WNK2: variants seen among roughly 807,000 people sequenced by gnomAD.
WNK2 encodes the protein WNK lysine deficient protein kinase 2, also known as serine/threonine-protein kinase WNK2.
In WNK2, 67 loss-of-function variants were observed where a neutral mutation model predicts 192.1. The observed-to-expected ratio is 0.35, with a 90% CI of 0.29 to 0.43. The LOEUF is 0.43. Among genes scored for constraint, WNK2 ranks in the 20% least tolerant of loss-of-function variants. The pLI, the probability that WNK2 is intolerant of heterozygous loss-of-function variation, is 1.00. For synonymous variants in WNK2, 1,439 were observed against 1,393.9 expected (o/e 1.03, Z -0.72); for missense variants, 2,698 against 3,089.7 (o/e 0.87, Z 3.01).
intron 7 of WNK2, among the ~76,000 whole-genome samples, chr9:93,240,439 G>A (rs927572538): frequency 3.3e-5 from 5 of 152,148 alleles, no homozygotes; most frequent in East Asian, 1.9e-4. Context: ...CTAGAAAGGC[G>A]GGTTGGGGGT....
chr9:93,197,603 T>C (rs1231679990), intron 2 of WNK2, among the ~76,000 whole-genome samples: 2 of 152,134 alleles, frequency 1.3e-5, no homozygotes, highest in Non-Finnish European at 2.9e-5. Flanking sequence ...CTTGGCTCAC[T>C]GGAACCCTCT....
intron 16 of WNK2, among the ~76,000 whole-genome samples, chr9:93,264,835 C>A (rs920721730): frequency 6.6e-6 from 1 of 152,166 alleles, no homozygotes; most frequent in Admixed American, 6.5e-5. Flanking sequence ...TGGAGTAGGC[C>A]GGCATGAGTA....
intron 1 of WNK2, among the ~76,000 whole-genome samples, 168 bp downstream of exon 1, chr9:93,184,553 C>T (rs2130815451): frequency 6.6e-6 from 1 of 152,292 alleles, no homozygotes; most frequent in East Asian, 1.9e-4. Context: ...ATCCCCTTTA[C>T]AGCTGCCTCC....
At chr9:93,245,401 T>C (rs1443164055) in intron 7 of WNK2, among the ~76,000 whole-genome samples, 1 of 152,220 alleles carries the variant, frequency 6.6e-6, no homozygotes, top group Non-Finnish European at 1.5e-5. Context: ...CTGACTTCCA[T>C]GTCCTGTCCC....
At chr9:93,202,346 G>A (rs1227532002) in intron 2 of WNK2, among the ~76,000 whole-genome samples, 2 of 145,640 alleles carry the variant, frequency 1.4e-5, no homozygotes, top group African/African-American at 4.9e-5. Flanking sequence ...GTGTGTGTGT[G>A]TGTGTGTGTG....
At chr9:93,207,781 G>C (rs1052942536) in intron 2 of WNK2, among the ~76,000 whole-genome samples, 4 of 152,234 alleles carry the variant, frequency 2.6e-5, no homozygotes, top group African/African-American at 9.6e-5. Flanking sequence ...CCCTCTCCAG[G>C]CGCTGTTTTT....
intron 2 of WNK2, among the ~76,000 whole-genome samples, chr9:93,192,287 C>T (rs1325914118): frequency 1.5e-4 from 22 of 151,196 alleles, no homozygotes; most frequent in Admixed American, 1.2e-3. Flanking sequence ...CACTCCAGCC[C>T]GGCGACAGAG....
At chr9:93,215,487 C>T (rs1044627387) in intron 2 of WNK2, among the ~76,000 whole-genome samples, 13 of 152,128 alleles carry the variant, frequency 8.5e-5, no homozygotes, top group Admixed American at 8.5e-4. Context: ...TAGGTTGGAC[C>T]TTCCCCTTTG....
At chr9:93,268,548 CTGGTGCAGG>C in intron 18 of WNK2, 70 bp from the exon 19 acceptor site, 3 of 1,552,944 alleles carry the variant, frequency 1.9e-6, no homozygotes, top group Non-Finnish European at 2.6e-6. Context: ...TGTGGCAAGT[CTGGTGCAGG>C]TGATGGGGGT....
At position 93,252,895 on chromosome 9, in the gene WNK2, T is replaced by C; in HGVS notation, c.1847T>C (p.Phe616Ser). Residue 616 changes from phenylalanine to serine, a missense_variant, in exon 9 of 30, where the codon TTC (phenylalanine) becomes TCC (serine). By Grantham distance (155) the Phe-to-Ser change is radical. Around this residue, in one of 7 missense-constraint regions of WNK2, gnomAD observed 893 missense variants for 909.0 expected, o/e 0.98. Transcript: ENST00000427277. Reference protein sequence around the residue: ...SATSLASDSTFDSGQGSTVYS... With the variant: ...SATSLASDSTSDSGQGSTVYS... ...TTGTCCTCCCCAGCGGACAGCACCT[T>C]CGACAGCGGCCAGGGCTCTACCGTG... is the stretch of plus-strand genomic sequence containing the variant. 1 of 1,499,132 alleles carries C rather than the reference T, an allele frequency of 6.7e-7. No homozygotes were observed. The highest frequency in any genetic ancestry group is 2.3e-5 in the Admixed American group (1 of 44,220). The allele number at this position is 1,499,132 out of a possible 1,614,324, so 92.9% of individuals were successfully genotyped here. A position where few individuals can be genotyped will look rare whatever the true frequency, so the allele number is the denominator to read the frequency against.
intron 2 of WNK2, among the ~76,000 whole-genome samples, chr9:93,222,839 C>T (rs990120461): frequency 9.2e-5 from 14 of 152,196 alleles, no homozygotes; most frequent in African/African-American, 3.1e-4. Context: ...CCTGCCACCA[C>T]ACCTGGCTAA....
intron 19 of WNK2, among the ~76,000 whole-genome samples, chr9:93,277,616 A>C (rs923613733): frequency 6.6e-6 from 1 of 152,252 alleles, no homozygotes; most frequent in Non-Finnish European, 1.5e-5. Flanking sequence ...AATTCCATTT[A>C]TAATGACATT....
chr9:93,263,689 C>A lies in WNK2; in HGVS notation c.3534C>A (p.Arg1178=). ...RKHHRRSTRA[R]SRQERASRPR... Reference sequence around the variant, plus strand: ...ACCACCGCAGGTCCACGCGTGCGCGCTCCCGGCAGGAGAGGGCCAGCCGGC... The same window carrying A: ...ACCACCGCAGGTCCACGCGTGCGCGATCCCGGCAGGAGAGGGCCAGCCGGC... Residue 1178 remains arginine (R), a synonymous_variant, in exon 15 of 30, where the codon CGC becomes CGA. Coordinates refer to ENST00000427277, the MANE Select transcript of WNK2 (RefSeq NM_006648.4). The A allele has an allele frequency of 6.4e-7, 1 of 1,562,328 alleles. No homozygotes were observed. The highest frequency in any genetic ancestry group is 1.4e-5 in the African/African-American group (1 of 73,410).
At position 93,293,073 on chromosome 9, in the gene WNK2, G is replaced by T; in HGVS notation, c.5608G>T (p.Val1870Leu). 1 of 1,609,846 alleles carries T rather than the reference G, an allele frequency of 6.2e-7. No homozygotes were observed. The change falls in exon 23 of 30, where the codon GTG (valine) becomes TTG (leucine). Residue 1870 changes from valine to leucine, a missense_variant. Around this residue, in one of 7 missense-constraint regions of WNK2, gnomAD observed 1,098 missense variants for 1,101.0 expected, o/e 1.00. Coordinates refer to ENST00000427277, the MANE Select transcript of WNK2 (RefSeq NM_006648.4). ...GGGCATGAAGGTCCCCACGATCAGC[G>T]TGACCTCCTTCCATTCCCAGTCGTC... ...RVGMKVPTIS[V>L]TSFHSQSSYI...
Position 93,273,376 on chromosome 9 carries a change from C to T in WNK2, c.4033+4630C>T, listed in dbSNP as rs555772395. 9.1e-4 allele frequency among the ~76,000 whole-genome samples: 138 copies of T among 152,268 alleles called. 1 individual carries two copies. The highest frequency in any genetic ancestry group is 6.2e-4 in the Non-Finnish European group (42 of 68,018). ...TTCACCATGTTGGCCAGGATGGTCTCGACTCTTGACCTCATGATCCACCCG... is the reference window on the plus strand; with the variant it reads ...TTCACCATGTTGGCCAGGATGGTCTTGACTCTTGACCTCATGATCCACCCG... On this transcript the variant is annotated intron_variant, in intron 19 of 29. Coordinates refer to ENST00000427277, the MANE Select transcript of WNK2 (RefSeq NM_006648.4).
intron 2 of WNK2, among the ~76,000 whole-genome samples, chr9:93,211,469 C>G (rs927019268): frequency 6.7e-6 from 1 of 149,264 alleles, no homozygotes; most frequent in Non-Finnish European, 1.5e-5. Flanking sequence ...CTCATTCACT[C>G]CCATCCACTC....
chr9:93,239,652 C>G lies in WNK2; in HGVS notation c.1323-105C>G, dbSNP rs114061440. 4.1e-6 allele frequency: 4 copies of G among 983,414 alleles called. No individual in the cohort carries two copies. In the African/African-American group the frequency reaches 4.9e-5, roughly 12 times the overall value. The allele number at this position is 983,414 out of a possible 1,614,324, so 60.9% of individuals were successfully genotyped here. On this transcript the variant is annotated intron_variant, in intron 6 of 29. Transcript: ENST00000427277. The surrounding 1 kb of genome is among the most constrained non-coding windows in gnomAD (Gnocchi z 4.2). Reference sequence around the variant, plus strand: ...CTGAGACATGAGGCCTGGCCTCAGGCTCCTGCAGGTGTGCCTGTCCTTGTC... The same window carrying G: ...CTGAGACATGAGGCCTGGCCTCAGGGTCCTGCAGGTGTGCCTGTCCTTGTC...
At chr9:93,192,648 C>A (rs937431295) in intron 2 of WNK2, among the ~76,000 whole-genome samples, 1 of 152,106 alleles carries the variant, frequency 6.6e-6, no homozygotes, top group Non-Finnish European at 1.5e-5. Context: ...GAGGGTGCTC[C>A]AGGATGCCAG....
At position 93,280,642 on chromosome 9, in the gene WNK2, C is replaced by A. The variant is rs7042492; in HGVS notation, c.4034-8146C>A. 3.9e-5 allele frequency among the ~76,000 whole-genome samples: 6 copies of A among 152,234 alleles called. No homozygotes were observed. The South Asian group carries it at 8.3e-4, about 21-fold the overall frequency. On this transcript the variant is annotated intron_variant, in intron 19 of 29. Coordinates refer to ENST00000427277, the MANE Select transcript of WNK2 (RefSeq NM_006648.4). ...ATTTCTTGAGTTGAAATGTGCAGCTCATGAATGCTTTTGTGTTAATTTCAT... is the reference window on the plus strand; with the variant it reads ...ATTTCTTGAGTTGAAATGTGCAGCTAATGAATGCTTTTGTGTTAATTTCAT...
Sources: allele counts gnomAD v4.1 joint callset (sites outside exome capture counted in the v4.1 genomes callset), GRCh38; gene constraint gnomAD v4.1.1; regional missense constraint gnomAD v4.1.1; non-coding constraint Gnocchi (gnomAD v3.1); transcripts MANE v1.5; gene names NCBI Gene and HGNC (gene_info 2026-07-23, HGNC 2026-07-21).